KCNMB2: variants seen among roughly 807,000 people sequenced by gnomAD.
KCNMB2 encodes the protein calcium-activated potassium channel subunit beta-2.
A neutral mutation model predicts 24.5 loss-of-function variants in KCNMB2; 9 were observed. That is an observed-to-expected ratio of 0.37 (90% CI 0.22 to 0.64). The LOEUF is 0.64. Ranked by LOEUF, KCNMB2 falls within the 30% of genes least tolerant of loss-of-function variation. The probability of loss-of-function intolerance (pLI) is 0.63; values close to 1 mark genes in which losing one functional copy is unlikely to be tolerated. For synonymous variants in KCNMB2, 109 were observed against 104.4 expected (o/e 1.04, Z -0.27); for missense variants, 226 against 284.3 (o/e 0.79, Z 1.47).
intron 1 of KCNMB2, among the ~76,000 whole-genome samples, chr3:178,633,186 C>T (rs1359456431): frequency 6.6e-6 from 1 of 152,206 alleles, no homozygotes; most frequent in Admixed American, 6.5e-5. Context: ...ACAGTGTAAG[C>T]TGTTGGTGGC....
Position 178,758,058 on chromosome 3 carries a change from ATC to A in KCNMB2, c.-67-49282_-67-49281del, listed in dbSNP as rs534010379. Among the ~76,000 whole-genome samples the A allele has an allele frequency of 4.1e-5, 2 of 49,016 alleles. 1 individual carries two copies. The highest frequency in any genetic ancestry group is 1.8e-4 in the African/African-American group (2 of 10,880). The allele number at this position is 49,016 out of a possible 152,430, so 32.2% of individuals were successfully genotyped here. A position where few individuals can be genotyped will look rare whatever the true frequency, so the allele number is the denominator to read the frequency against. ...TATATATATCTAGATATATATATAT[ATC>A]TCCAAGAGGATATATATATATACAC... is the stretch of plus-strand genomic sequence containing the variant. On this transcript the variant is annotated intron_variant, in intron 1 of 4. Coordinates refer to ENST00000452583, the MANE Select transcript of KCNMB2 (RefSeq NM_181361.3).
At chr3:178,621,725 A>T (rs773012353) in intron 1 of KCNMB2, among the ~76,000 whole-genome samples, 7 of 151,874 alleles carry the variant, frequency 4.6e-5, no homozygotes, top group Non-Finnish European at 1.0e-4. Context: ...ATCTCCTTTT[A>T]TCCAAAATAA....
At chr3:178,705,663 T>C (rs1722253381) in intron 1 of KCNMB2, among the ~76,000 whole-genome samples, 1 of 152,168 alleles carries the variant, frequency 6.6e-6, no homozygotes, top group South Asian at 2.1e-4. Context: ...AAAAAAAGAA[T>C]GCTTTTTATA....
chr3:178,548,615 C>T (rs947210071), intron 1 of KCNMB2, among the ~76,000 whole-genome samples: 3 of 152,170 alleles, frequency 2.0e-5, no homozygotes, highest in African/African-American at 7.2e-5. Flanking sequence ...CTCATTTCCA[C>T]CTCCCAAAAT....
At chr3:178,684,378 A>G (rs1227790330) in intron 1 of KCNMB2, among the ~76,000 whole-genome samples, 1 of 151,806 alleles carries the variant, frequency 6.6e-6, no homozygotes. Flanking sequence ...ATTGGAGTAT[A>G]CAAAATAGCA....
chr3:178,582,441 A>G (rs1252292253), intron 1 of KCNMB2, among the ~76,000 whole-genome samples: 2 of 152,184 alleles, frequency 1.3e-5, no homozygotes, highest in Non-Finnish European at 2.9e-5. Flanking sequence ...GCAAACCACC[A>G]TGGCACACAT....
chr3:178,661,332 G>A (rs1720522131), intron 1 of KCNMB2, among the ~76,000 whole-genome samples: 1 of 151,980 alleles, frequency 6.6e-6, no homozygotes, highest in South Asian at 2.1e-4. Flanking sequence ...CTTTTTTATG[G>A]CTGCATAGTA....
In KCNMB2 at chr3:178,807,344, T is replaced by C. The variant is rs1714010959; in HGVS notation, c.-66T>C. ...AACTTCATTGTGTACCTCTTCTAGG[T>C]CTTTTTGCCATTCCTCCAGGACATC... On this transcript the variant is annotated splice_region_variant and 5_prime_UTR_variant, in exon 2 of 5. Coordinates refer to ENST00000452583, the MANE Select transcript of KCNMB2 (RefSeq NM_181361.3). The C allele has an allele frequency of 1.5e-6, 2 of 1,328,424 alleles. No homozygotes were observed. The highest frequency in any genetic ancestry group is 1.8e-4 in the Middle Eastern group (1 of 5,444). 82.3% of individuals were successfully genotyped at this position (1,328,424 alleles called of 1,614,324 possible).
At chr3:178,713,319 A>G (rs1161205968) in intron 1 of KCNMB2, among the ~76,000 whole-genome samples, 1 of 152,204 alleles carries the variant, frequency 6.6e-6, no homozygotes, top group East Asian at 1.9e-4. Flanking sequence ...GAAATATCTG[A>G]ACAGTCAAAT....
intron 1 of KCNMB2, among the ~76,000 whole-genome samples, chr3:178,663,264 G>C (rs1204219255): frequency 2.0e-5 from 3 of 152,070 alleles, no homozygotes; most frequent in African/African-American, 7.2e-5. Context: ...GGTTAATGTG[G>C]AGAGAGCTCA....
At chr3:178,739,102 GA>G (rs35023195) in intron 1 of KCNMB2, among the ~76,000 whole-genome samples, 50,248 of 142,028 alleles carry the variant, frequency 0.35, 8,852 homozygotes, top group African/African-American at 0.45. Flanking sequence ...CTAAATAACA[GA>G]AAAAAAAAAA....
chr3:178,553,554 G>A (rs1028625355), intron 1 of KCNMB2, among the ~76,000 whole-genome samples: 1 of 100,116 alleles, frequency 1.0e-5, no homozygotes, highest in African/African-American at 4.3e-5. Context: ...TTTTTTTTTT[G>A]ACAGTCTCCC....
chr3:178,725,154 T>C (rs1252099431), intron 1 of KCNMB2, among the ~76,000 whole-genome samples: 1 of 152,134 alleles, frequency 6.6e-6, no homozygotes, highest in Admixed American at 6.5e-5. Flanking sequence ...GTGCATGGAA[T>C]GCTTCTCCAC....
chr3:178,767,888 C>T (rs967732195), intron 1 of KCNMB2, among the ~76,000 whole-genome samples: 1 of 152,212 alleles, frequency 6.6e-6, no homozygotes, highest in Admixed American at 6.5e-5. Context: ...TATCTACACA[C>T]ACACTCCATA....
intron 1 of KCNMB2, among the ~76,000 whole-genome samples, chr3:178,560,210 A>G (rs543551991): frequency 2.5e-4 from 38 of 152,062 alleles, no homozygotes; most frequent in Non-Finnish European, 4.1e-4. Context: ...TTTCCAAGAT[A>G]GTTTGTACCA....
chr3:178,747,674 C>T (rs1723715020), intron 1 of KCNMB2, among the ~76,000 whole-genome samples: 1 of 152,210 alleles, frequency 6.6e-6, no homozygotes, highest in Non-Finnish European at 1.5e-5. Flanking sequence ...TAATAACTGA[C>T]TTAGTCTTGT....
At chr3:178,616,092 GA>G (rs1363372625) in intron 1 of KCNMB2, among the ~76,000 whole-genome samples, 2 of 152,034 alleles carry the variant, frequency 1.3e-5, no homozygotes, top group African/African-American at 4.8e-5. Context: ...CAAGCAGAAA[GA>G]AGGGCTCTCT....
At chr3:178,713,795 C>T (rs1415420616) in intron 1 of KCNMB2, among the ~76,000 whole-genome samples, 1 of 152,146 alleles carries the variant, frequency 6.6e-6, no homozygotes, top group Non-Finnish European at 1.5e-5. Flanking sequence ...TGAATGGAGG[C>T]CCTTGGAGGT....
chr3:178,549,202 T>A (rs1259427649), intron 1 of KCNMB2, among the ~76,000 whole-genome samples: 1 of 151,932 alleles, frequency 6.6e-6, no homozygotes, highest in African/African-American at 2.4e-5. Flanking sequence ...CCTATTAGCA[T>A]GAAGAGAGAG....
Sources: gnomAD v4.1 joint callset for allele counts (sites outside exome capture counted in the v4.1 genomes callset) on GRCh38, gnomAD v4.1.1 for gene constraint, MANE v1.5 for transcripts, NCBI Gene and HGNC (gene_info 2026-07-23, HGNC 2026-07-21) for gene names.